Variants in PALLD observed in about 807,000 individuals in gnomAD.
PALLD encodes the protein palladin, cytoskeletal associated protein, also known as palladin.
PALLD carries 61 observed loss-of-function variants against 123.5 expected under a neutral mutation model. The ratio of observed to expected loss-of-function variants is 0.49; its 90% CI spans 0.40 to 0.61. The LOEUF (loss-of-function observed/expected upper bound fraction) is 0.61, where lower values mean the gene tolerates loss of function less well. Among genes scored for constraint, PALLD ranks in the 20% least tolerant of loss-of-function variants. PALLD has a pLI of 0.00. For missense variants in PALLD, 1,273 were observed against 1,377.0 expected (o/e 0.92, Z 1.20); for synonymous variants, 465 against 496.4 (o/e 0.94, Z 0.84).
At chr4:168,782,477 C>T (rs1736061933) in intron 10 of PALLD, among the ~76,000 whole-genome samples, 1 of 151,996 alleles carries the variant, frequency 6.6e-6, no homozygotes, top group Non-Finnish European at 1.5e-5. Context: ...GCAAATTTTT[C>T]TAAAAACAAA....
intron 2 of PALLD, among the ~76,000 whole-genome samples, chr4:168,581,619 A>T (rs890283405): frequency 6.6e-6 from 1 of 152,044 alleles, no homozygotes; most frequent in East Asian, 1.9e-4. Flanking sequence ...TGAGTTACTC[A>T]GTAAACTCAA....
At chr4:168,508,248 C>A (rs1762197368) in intron 1 of PALLD, among the ~76,000 whole-genome samples, 1 of 151,682 alleles carries the variant, frequency 6.6e-6, no homozygotes, top group Non-Finnish European at 1.5e-5. Flanking sequence ...CTAGGTACCC[C>A]ATAATTATGT....
intron 1 of PALLD, among the ~76,000 whole-genome samples, chr4:168,503,664 A>G (rs1181482565): frequency 1.3e-5 from 2 of 150,596 alleles, no homozygotes; most frequent in Non-Finnish European, 3.0e-5. Flanking sequence ...AAAAAAAAGA[A>G]AAAGAAAAAG....
At chr4:168,548,098 C>T (rs1433404609) in intron 2 of PALLD, among the ~76,000 whole-genome samples, 1 of 152,084 alleles carries the variant, frequency 6.6e-6, no homozygotes, top group Non-Finnish European at 1.5e-5. Flanking sequence ...AATTATCCAG[C>T]ATGTGCTTCT....
At chr4:168,563,691 T>C (rs1322866762) in intron 2 of PALLD, among the ~76,000 whole-genome samples, 1 of 152,174 alleles carries the variant, frequency 6.6e-6, no homozygotes, top group Admixed American at 6.5e-5. Context: ...TAATGCATTA[T>C]AAAAAACTTT....
intron 2 of PALLD, among the ~76,000 whole-genome samples, chr4:168,516,493 T>C (rs1386633858): frequency 1.3e-5 from 2 of 152,212 alleles, no homozygotes; most frequent in Non-Finnish European, 2.9e-5. Context: ...TATTTATTTA[T>C]TTTAAAGGTA....
intron 10 of PALLD, among the ~76,000 whole-genome samples, chr4:168,850,355 A>G (rs1747558992): frequency 6.6e-6 from 1 of 151,960 alleles, no homozygotes; most frequent in South Asian, 2.1e-4. Flanking sequence ...GTTTGTTTTT[A>G]ATATGGTATG....
At chr4:168,743,420 T>G (rs1788558625) in intron 10 of PALLD, among the ~76,000 whole-genome samples, 1 of 152,178 alleles carries the variant, frequency 6.6e-6, no homozygotes, top group African/African-American at 2.4e-5. Flanking sequence ...TCGAGATTTT[T>G]TTTTTAATGG....
intron 10 of PALLD, among the ~76,000 whole-genome samples, chr4:168,826,889 A>G (rs1581661411): frequency 1.3e-5 from 2 of 152,148 alleles, no homozygotes; most frequent in South Asian, 2.1e-4. Flanking sequence ...TCCAAAGGCC[A>G]TGCTCTTTTC....
intron 2 of PALLD, among the ~76,000 whole-genome samples, chr4:168,641,890 A>G (rs1229826146): frequency 2.0e-5 from 3 of 152,326 alleles, no homozygotes; most frequent in Non-Finnish European, 4.4e-5. Flanking sequence ...TAAGTTTACA[A>G]TCTATTGTTC....
At chr4:168,920,245 C>A (rs1475623617) in intron 17 of PALLD, among the ~76,000 whole-genome samples, 1 of 152,172 alleles carries the variant, frequency 6.6e-6, no homozygotes, top group African/African-American at 2.4e-5. Context: ...TCTCAGAAGC[C>A]AAGCTGCCTA....
At chr4:168,787,793 C>G (rs1255965762) in intron 10 of PALLD, among the ~76,000 whole-genome samples, 2 of 152,182 alleles carry the variant, frequency 1.3e-5, no homozygotes, top group African/African-American at 4.8e-5. Flanking sequence ...GCTCTTGCTC[C>G]TAGCTCTCGA....
At chr4:168,701,722 G>A (rs952818636) in intron 8 of PALLD, among the ~76,000 whole-genome samples, 3 of 152,196 alleles carry the variant, frequency 2.0e-5, no homozygotes, top group Non-Finnish European at 2.9e-5. Flanking sequence ...CAGAACCTCT[G>A]TCTTTCCAGG....
intron 21 of PALLD, among the ~76,000 whole-genome samples, chr4:168,925,669 T>C (rs1762435298): frequency 6.6e-6 from 1 of 152,176 alleles, no homozygotes; most frequent in South Asian, 2.1e-4. Flanking sequence ...CAGCATTATG[T>C]TATCCATTGA....
At chr4:168,590,222 A>G (rs1490944858) in intron 2 of PALLD, among the ~76,000 whole-genome samples, 1 of 152,198 alleles carries the variant, frequency 6.6e-6, no homozygotes, top group African/African-American at 2.4e-5. Context: ...GTCGCCTATA[A>G]TCCCAGCTAC....
intron 2 of PALLD, among the ~76,000 whole-genome samples, chr4:168,658,975 C>A (rs35478734): frequency 6.6e-6 from 1 of 152,100 alleles, no homozygotes; most frequent in East Asian, 1.9e-4. Context: ...ATTTAGACAA[C>A]GATTAATTTC....
rs114313025 is a variant in PALLD, at chr4:168,680,616, A to G, written c.1088-716A>G. 5.0e-3 allele frequency among the ~76,000 whole-genome samples: 755 copies of G among 151,710 alleles called. 6 individuals carry two copies. Among genetic ancestry groups the G allele is most frequent in the African/African-American group, 0.017 (701 of 41,378 alleles). On this transcript the variant is annotated intron_variant, in intron 3 of 21. Transcript: ENST00000505667. The stretch of plus-strand genomic sequence containing the variant: ...ATTAGGCTGCACAATTCTGTGCTAT[A>G]TGGTTATTTTCCTATAAGCATGTAT...
At chr4:168,576,212 A>G (rs115658139) in intron 2 of PALLD, among the ~76,000 whole-genome samples, 105 of 152,210 alleles carry the variant, frequency 6.9e-4, no homozygotes, top group African/African-American at 2.5e-3. Flanking sequence ...ATTATTTAAT[A>G]TAATTGGCAG....
intron 2 of PALLD, among the ~76,000 whole-genome samples, chr4:168,628,034 TG>T (rs1274748773): frequency 6.6e-6 from 1 of 152,228 alleles, no homozygotes; most frequent in Non-Finnish European, 1.5e-5. Flanking sequence ...AAGTGTAAAT[TG>T]GTTCAGCCCT....
Sources: gnomAD v4.1 joint callset for allele counts (sites outside exome capture counted in the v4.1 genomes callset) on GRCh38, gnomAD v4.1.1 for gene constraint, MANE v1.5 for transcripts, NCBI Gene and HGNC (gene_info 2026-07-23, HGNC 2026-07-21) for gene names.